SV2B: variants seen among roughly 807,000 people sequenced by gnomAD.
SV2B encodes the protein synaptic vesicle glycoprotein 2B, also known as solute carrier family 22 member B2.
Under a neutral mutation model 73.9 loss-of-function variants are expected in SV2B, and 41 were observed. The ratio of observed to expected loss-of-function variants is 0.56; its 90% CI spans 0.43 to 0.72. The LOEUF (loss-of-function observed/expected upper bound fraction) is 0.72, where lower values mean the gene tolerates loss of function less well. Among genes scored for constraint, SV2B ranks in the 30% least tolerant of loss-of-function variants. The pLI, the probability that SV2B is intolerant of heterozygous loss-of-function variation, is 0.00. For missense variants in SV2B, 764 were observed against 857.8 expected (o/e 0.89, Z 1.37); for synonymous variants, 314 against 314.2 (o/e 1.00, Z 0.01).
At position 91,253,438 on chromosome 15, in the gene SV2B, T is replaced by C. The variant is rs2047566632; in HGVS notation, c.784+918T>C. Among the ~76,000 whole-genome samples, 1 of 152,220 alleles carries C rather than the reference T, an allele frequency of 6.6e-6. No individual in the cohort carries two copies. The highest frequency in any genetic ancestry group is 1.5e-5 in the Non-Finnish European group (1 of 68,032). On this transcript the variant is annotated intron_variant, in intron 4 of 12. Transcript: ENST00000394232. This position sits in a 1 kb window ranked among gnomAD's most constrained non-coding sequence, Gnocchi z 5.0. The stretch of plus-strand genomic sequence containing the variant: ...TCAGCTAATGGAGGCTGCATGTATA[T>C]GTTTTTAAGAACAAGCTTTGGTTTA...
chr15:91,199,428 A>G (rs2045382641), intron 1 of SV2B, among the ~76,000 whole-genome samples: 1 of 152,192 alleles, frequency 6.6e-6, no homozygotes, highest in Admixed American at 6.5e-5. Context: ...GTGGCAAACA[A>G]CACGAGGTCT....
At chr15:91,228,090 A>T (rs1433718780) in intron 2 of SV2B, among the ~76,000 whole-genome samples, 1 of 152,224 alleles carries the variant, frequency 6.6e-6, no homozygotes, top group Non-Finnish European at 1.5e-5. Context: ...TGTAAATAAA[A>T]TTGAGATATA....
At chr15:91,198,539 T>C (rs2045342273) in intron 1 of SV2B, among the ~76,000 whole-genome samples, 1 of 151,678 alleles carries the variant, frequency 6.6e-6, no homozygotes, top group South Asian at 2.1e-4. Flanking sequence ...AATGAGCACA[T>C]TTGTTAAAAT....
At position 91,198,455 on chromosome 15, in the gene SV2B, ATGTGTGTGTGTG is replaced by A. The variant is rs5814467; in HGVS notation, c.-391-27386_-391-27375del. ...TGGTTTTCAGCCAAGAAGCACGTGT[ATGTGTGTGTGTG>A]TGTGTGTGTGTGTGTGTGTGTGTGT... is the stretch of plus-strand genomic sequence containing the variant. On this transcript the variant is annotated intron_variant, in intron 1 of 12. Coordinates refer to ENST00000394232, the MANE Select transcript of SV2B (RefSeq NM_001323032.3). Among the ~76,000 whole-genome samples the A allele has an allele frequency of 2.3e-3, 310 of 136,844 alleles. 3 individuals are homozygous for A. The highest frequency in any genetic ancestry group is 0.019 in the Middle Eastern group (5 of 270). 89.8% of individuals were successfully genotyped at this position (136,844 alleles called of 152,430 possible).
intron 9 of SV2B, among the ~76,000 whole-genome samples, chr15:91,271,118 T>TGGTGAATCCTGTGGATGATGGGTGGAC (rs1479614715): frequency 2.7e-4 from 40 of 150,592 alleles, no homozygotes; most frequent in Middle Eastern, 3.5e-3. Context: ...GATGGGTGGA[T>TGGTGAATCCTGTGGATGATGGGTGGAC]GGTGAATCCT....
At chr15:91,212,977 C>T (rs773143172) in intron 1 of SV2B, among the ~76,000 whole-genome samples, 3 of 117,274 alleles carry the variant, frequency 2.6e-5, no homozygotes, top group African/African-American at 4.8e-5. Flanking sequence ...CCTGTCTCTA[C>T]TAAAAAAAAA....
In SV2B at chr15:91,252,545, AG is replaced by A; in HGVS notation, c.784+30del. The A allele has an allele frequency of 6.4e-7, 1 of 1,564,628 alleles. No individual in the cohort carries two copies. The highest frequency in any genetic ancestry group is 1.2e-5 in the South Asian group (1 of 84,312). On this transcript the variant is annotated intron_variant, in intron 4 of 12. Coordinates refer to ENST00000394232, the MANE Select transcript of SV2B (RefSeq NM_001323032.3). The surrounding 1 kb of genome is among the most constrained non-coding windows in gnomAD (Gnocchi z 4.6). The stretch of plus-strand genomic sequence containing the variant: ...GGTGAGTCATGGCTCCAAACAGCCT[AG>A]GGGGCCCTGTTTCTATGGCTCCTGC...
intron 1 of SV2B, among the ~76,000 whole-genome samples, chr15:91,104,337 C>G (rs2041819353): frequency 6.6e-6 from 1 of 152,178 alleles, no homozygotes; most frequent in African/African-American, 2.4e-5. Context: ...GGTCACTCAT[C>G]CTCTGGCAGG....
rs1196855258 is a variant in SV2B at position 91,284,465 on chromosome 15, T to A, written c.1708+244T>A. 6.6e-6 allele frequency among the ~76,000 whole-genome samples: 1 copy of A among 152,186 alleles called. No homozygotes were observed. Among genetic ancestry groups the A allele is most frequent in the Non-Finnish European group, 1.5e-5 (1 of 68,040 alleles). On this transcript the variant is annotated intron_variant, in intron 11 of 12. Coordinates refer to ENST00000394232, the MANE Select transcript of SV2B (RefSeq NM_001323032.3). This position sits in a 1 kb window ranked among gnomAD's most constrained non-coding sequence, Gnocchi z 4.5. ...TTTTGTTCATTTCCTGACAGAGAAA[T>A]TCTGTGACAGTCATTTAATCTATTA...
intron 1 of SV2B, among the ~76,000 whole-genome samples, chr15:91,200,326 G>T (rs532076754): frequency 2.8e-4 from 42 of 152,312 alleles, no homozygotes; most frequent in Non-Finnish European, 4.9e-4. Context: ...AGAGAGTTTA[G>T]GGATATTGAT....
rs769314199 is a variant in SV2B, at chr15:91,136,656, C to G, written c.-392+36293C>G. 6.6e-6 allele frequency among the ~76,000 whole-genome samples: 1 copy of G among 152,176 alleles called. No individual in the cohort carries two copies. The highest frequency in any genetic ancestry group is 2.4e-5 in the African/African-American group (1 of 41,436). On this transcript the variant is annotated intron_variant, in intron 1 of 12. Coordinates refer to ENST00000394232, the MANE Select transcript of SV2B (RefSeq NM_001323032.3). This position sits in a 1 kb window ranked among gnomAD's most constrained non-coding sequence, Gnocchi z 5.6. ...CTGGAGCAAGGAAGCTCTAGGTTCC[C>G]GTAAGGCAGACTGCCTTTTTAGTTG... is the stretch of plus-strand genomic sequence containing the variant.
chr15:91,299,304 C>A lies in SV2B; in HGVS notation c.*6752C>A, dbSNP rs2049360018. The A allele has an allele frequency of 6.6e-6, 1 of 152,038 alleles. No individual in the cohort carries two copies. Among genetic ancestry groups the A allele is most frequent in the Non-Finnish European group, 1.5e-5 (1 of 68,010 alleles). The allele number at this position is 152,038 out of a possible 1,614,324, so 9.4% of individuals were successfully genotyped here. Reference sequence around the variant, plus strand: ...ATGACTGTTTTTTATTAAAACATTCCTCCAAAAGAACGGCAAAGCAAATCC... The same window carrying A: ...ATGACTGTTTTTTATTAAAACATTCATCCAAAAGAACGGCAAAGCAAATCC... On this transcript the variant is annotated 3_prime_UTR_variant, in exon 13 of 13. Coordinates refer to ENST00000394232, the MANE Select transcript of SV2B (RefSeq NM_001323032.3).
intron 1 of SV2B, among the ~76,000 whole-genome samples, chr15:91,125,779 GGC>G (rs2042459678): frequency 2.1e-5 from 1 of 47,338 alleles, no homozygotes; most frequent in Non-Finnish European, 6.2e-5. Flanking sequence ...TGTCTCAAGG[GGC>G]AAAAAAAAAA....
chr15:91,210,381 C>T (rs1406275648), intron 1 of SV2B, among the ~76,000 whole-genome samples: 1 of 151,938 alleles, frequency 6.6e-6, no homozygotes, highest in Non-Finnish European at 1.5e-5. Context: ...GCGGAGAGTA[C>T]AGATGGCAGG....
At chr15:91,257,033 C>T (rs1389837550) in intron 4 of SV2B, among the ~76,000 whole-genome samples, 1 of 152,192 alleles carries the variant, frequency 6.6e-6, no homozygotes, top group Non-Finnish European at 1.5e-5. Context: ...TTTACATAGT[C>T]TTGTCTTTCA....
chr15:91,155,208 C>T (rs1049116392), intron 1 of SV2B, among the ~76,000 whole-genome samples: 4 of 151,968 alleles, frequency 2.6e-5, no homozygotes, highest in Non-Finnish European at 4.4e-5. Flanking sequence ...AAGGGAAGGG[C>T]GTGGTTAAGG....
At chr15:91,191,309 C>T (rs935761742) in intron 1 of SV2B, among the ~76,000 whole-genome samples, 2 of 152,036 alleles carry the variant, frequency 1.3e-5, no homozygotes, top group African/African-American at 2.4e-5. Flanking sequence ...TAATCTTCTT[C>T]TCAATTAGGT....
chr15:91,107,002 A>G (rs1567255896), intron 1 of SV2B, among the ~76,000 whole-genome samples: 1 of 152,212 alleles, frequency 6.6e-6, no homozygotes, highest in Non-Finnish European at 1.5e-5. Flanking sequence ...CTGATTCTAT[A>G]TAAGTTTTGT....
At position 91,289,383 on chromosome 15, in the gene SV2B, A is replaced by T. The variant is rs2048966226; in HGVS notation, c.1709-138A>T. ...TTCCAGCTGTGCTCTCTCTGTGTGG[A>T]GGGTGAACCTAATACTTCAGGCAGC... On this transcript the variant is annotated intron_variant, in intron 11 of 12. Transcript: ENST00000394232. The surrounding 1 kb of genome is among the most constrained non-coding windows in gnomAD (Gnocchi z 4.9). 2 of 1,063,162 alleles carry T rather than the reference A, an allele frequency of 1.9e-6. No homozygotes were observed. The highest frequency in any genetic ancestry group is 1.6e-5 in the African/African-American group (1 of 63,624). 65.9% of individuals were successfully genotyped at this position (1,063,162 alleles called of 1,614,324 possible). A position where few individuals can be genotyped will look rare whatever the true frequency, so the allele number is the denominator to read the frequency against.
Sources: gnomAD v4.1 joint callset for allele counts (sites outside exome capture counted in the v4.1 genomes callset) on GRCh38, gnomAD v4.1.1 for gene constraint, Gnocchi (gnomAD v3.1) non-coding constraint, MANE v1.5 for transcripts, NCBI Gene and HGNC (gene_info 2026-07-23, HGNC 2026-07-21) for gene names.